Variants in RYR2 observed in about 807,000 individuals in gnomAD.
RYR2 encodes the protein ryanodine receptor 2, also known as cardiac muscle ryanodine receptor-calcium release channel.
RYR2 carries 227 observed loss-of-function variants against 601.1 expected under a neutral mutation model. That is an observed-to-expected ratio of 0.38 (90% CI 0.34 to 0.42). RYR2 has a LOEUF of 0.42. Among genes scored for constraint, RYR2 ranks in the 10% least tolerant of loss-of-function variants. The pLI, the probability that RYR2 is intolerant of heterozygous loss-of-function variation, is 1.00. For synonymous variants in RYR2, 2,223 were observed against 2,175.1 expected, an observed-to-expected ratio of 1.02 and a Z score of -0.61; for missense variants, 4,646 against 6,156.5, an observed-to-expected ratio of 0.75 and a Z score of 8.21.
At chr1:237,548,690 C>A in intron 26 of RYR2, 100 bp downstream of exon 26, 1 of 1,393,370 alleles carries the variant, frequency 7.2e-7, no homozygotes, top group Non-Finnish European at 9.8e-7. Flanking sequence ...AAACTTGTAT[C>A]ATATAGATCA....
chr1:237,150,483 G>A (rs187244232), intron 1 of RYR2, among the ~76,000 whole-genome samples: 1 of 152,206 alleles, frequency 6.6e-6, no homozygotes, highest in Non-Finnish European at 1.5e-5. Flanking sequence ...CTAATACCTG[G>A]CATGTGGAAA....
At chr1:237,409,409 G>GCA (rs1262021434) in intron 10 of RYR2, among the ~76,000 whole-genome samples, 1 of 151,926 alleles carries the variant, frequency 6.6e-6, no homozygotes, top group African/African-American at 2.4e-5. Context: ...TTCATTTATT[G>GCA]ATATGATCAA....
Position 237,655,844 on chromosome 1 carries a change from A to G in RYR2, c.7989A>G (p.Lys2663=). 6.2e-7 allele frequency: 1 copy of G among 1,602,152 alleles called. No homozygotes were observed. Among genetic ancestry groups the G allele is most frequent in the South Asian group, 1.1e-5 (1 of 88,304 alleles). ...SQKKYEQELF[K]LALPCLSAVA... ...AGAAATATGAACAAGAACTTTTCAA[A>G]CTGGCACTGCCTTGCCTGAGTGCAG... Residue 2663 remains lysine (K), a synonymous_variant, in exon 53 of 105, where the codon AAA becomes AAG. Coordinates refer to ENST00000366574, the MANE Select transcript of RYR2 (RefSeq NM_001035.3).
intron 1 of RYR2, among the ~76,000 whole-genome samples, chr1:237,064,577 C>T (rs955399267): frequency 6.6e-6 from 1 of 152,016 alleles, no homozygotes; most frequent in Non-Finnish European, 1.5e-5. Flanking sequence ...TTATCTTCTT[C>T]CACAAAACAT....
intron 5 of RYR2, among the ~76,000 whole-genome samples, chr1:237,365,138 T>C (rs991429593): frequency 2.0e-5 from 3 of 152,178 alleles, no homozygotes; most frequent in Admixed American, 6.5e-5. Context: ...AATTTTTTTA[T>C]CTTAAAAGCC....
chr1:237,505,740 T>C (rs535083676), intron 22 of RYR2, among the ~76,000 whole-genome samples: 11 of 152,354 alleles, frequency 7.2e-5, no homozygotes, highest in African/African-American at 2.2e-4. Context: ...CACCTCGTCG[T>C]TGGGCATTGT....
In RYR2 at chr1:237,650,020, G is replaced by A. The variant is rs571295256; in HGVS notation, c.7656G>A (p.Val2552=). ...TCATTGACTCATTACTTCATACTGT[G>A]TATAGACTTTCTAAGGGCTGTTCAC... ...ASLIDSLLHT[V]YRLSKGCSLT... The change falls in exon 50 of 105, where the codon GTG becomes GTA. Residue 2552 remains valine (V), a synonymous_variant. Transcript: ENST00000366574. The A allele has an allele frequency of 6.2e-7, 1 of 1,613,992 alleles. No individual in the cohort carries two copies. The highest frequency in any genetic ancestry group is 1.7e-5 in the Admixed American group (1 of 60,024).
At chr1:237,572,034 T>C (rs1311050163) in intron 29 of RYR2, among the ~76,000 whole-genome samples, 1 of 152,198 alleles carries the variant, frequency 6.6e-6, no homozygotes. Flanking sequence ...TATCAAATAT[T>C]AGGTCTTATT....
At chr1:237,676,457 G>C (rs10925491) in intron 60 of RYR2, among the ~76,000 whole-genome samples, 1,662 of 152,254 alleles carry the variant, frequency 0.011, 37 homozygotes, top group East Asian at 0.077. Context: ...GCACAGGAGA[G>C]AAAGTAGGCT....
chr1:237,781,411 A>G (rs1347155112), intron 88 of RYR2, among the ~76,000 whole-genome samples, 154 bp from the exon 89 acceptor site: 1 of 152,246 alleles, frequency 6.6e-6, no homozygotes, highest in Non-Finnish European at 1.5e-5. Context: ...TGTAAAGTAT[A>G]ACTATTTTTA....
intron 98 of RYR2, chr1:237,802,162 C>T (rs865878278): frequency 1.8e-4 from 57 of 312,726 alleles, no homozygotes; most frequent in South Asian, 5.1e-4. Context: ...TTTGTGAGTA[C>T]GTTCATTAAG....
At chr1:237,445,787 C>A (rs2150168216) in intron 14 of RYR2, among the ~76,000 whole-genome samples, 1 of 152,014 alleles carries the variant, frequency 6.6e-6, no homozygotes, top group East Asian at 1.9e-4. Context: ...ACTACTTTTC[C>A]TTGTACTGAA....
At chr1:237,152,421 A>G (rs1364695695) in intron 1 of RYR2, among the ~76,000 whole-genome samples, 1 of 152,210 alleles carries the variant, frequency 6.6e-6, no homozygotes, top group African/African-American at 2.4e-5. Context: ...TCCTTGAGGA[A>G]TTGGCACACT....
chr1:237,255,670 A>G (rs1470247050), intron 1 of RYR2, among the ~76,000 whole-genome samples: 1 of 152,192 alleles, frequency 6.6e-6, no homozygotes, highest in Non-Finnish European at 1.5e-5. Context: ...TCACTAGACA[A>G]TAGATGGGAT....
At chr1:237,795,873 T>TATATATATGTATATATATATATATAC (rs140571706) in intron 96 of RYR2, among the ~76,000 whole-genome samples, 1 of 140,910 alleles carries the variant, frequency 7.1e-6, no homozygotes, top group Non-Finnish European at 1.5e-5. Context: ...TATATATATA[T>TATATATATGTATATATATATATATAC]ACACATATAT....
intron 88 of RYR2, 43 bp from the exon 89 acceptor site, chr1:237,781,522 T>C (rs1558399286): frequency 1.1e-6 from 1 of 941,644 alleles, no homozygotes; most frequent in Non-Finnish European, 1.7e-6. Context: ...TCCTGCTGCA[T>C]AGTTTTCTTG....
chr1:237,204,864 A>G (rs1229550704), intron 1 of RYR2, among the ~76,000 whole-genome samples: 1 of 152,230 alleles, frequency 6.6e-6, no homozygotes, highest in African/African-American at 2.4e-5. Flanking sequence ...TGGAGAAAAC[A>G]GAGTCCCTTC....
At chr1:237,143,336 C>T (rs548576166) in intron 1 of RYR2, among the ~76,000 whole-genome samples, 1 of 152,316 alleles carries the variant, frequency 6.6e-6, no homozygotes, top group African/African-American at 2.4e-5. Context: ...TCATTCCATC[C>T]TGCTTTGGCT....
intron 57 of RYR2, among the ~76,000 whole-genome samples, chr1:237,666,872 T>A (rs1379462442): frequency 6.6e-6 from 1 of 151,584 alleles, no homozygotes; most frequent in African/African-American, 2.4e-5. Context: ...ATCACACCAC[T>A]GCACTCCAGC....
Sources: gnomAD v4.1 joint callset for allele counts (sites outside exome capture counted in the v4.1 genomes callset) on GRCh38, gnomAD v4.1.1 for gene constraint, MANE v1.5 for transcripts, NCBI Gene and HGNC (gene_info 2026-07-23, HGNC 2026-07-21) for gene names.